The following COMMD1 variants were observed in gnomAD, a reference collection of about 807,000 sequenced individuals.
COMMD1 encodes the protein COMM domain-containing protein 1.
In COMMD1, 10 loss-of-function variants were observed where a neutral mutation model predicts 17.2. The observed-to-expected ratio is 0.58, with a 90% confidence interval of 0.36 to 0.99. The LOEUF (loss-of-function observed/expected upper bound fraction) is 0.99. Among genes scored for constraint, COMMD1 ranks in the 50% least tolerant of loss-of-function variants. The pLI, the probability that COMMD1 is intolerant of heterozygous loss-of-function variation, is 0.01. For missense variants in COMMD1, 270 were observed against 231.8 expected (o/e 1.17, Z -1.07); for synonymous variants, 97 against 91.6 (o/e 1.06, Z -0.34).
chr2:61,905,582 G>A (rs1669748433), upstream of COMMD1: 3 of 1,279,220 alleles, frequency 2.3e-6, no homozygotes, highest in South Asian at 3.1e-5. Context: ...GGTTCCCCGA[G>A]GTTCCCCGTG....
At chr2:61,906,617 G>T (rs1669778065) in intron 1 of COMMD1, among the ~76,000 whole-genome samples, 1 of 121,984 alleles carries the variant, frequency 8.2e-6, no homozygotes, top group East Asian at 2.1e-4. Flanking sequence ...TTTAGACCGA[G>T]AACTAGTTAT....
intron 2 of COMMD1, among the ~76,000 whole-genome samples, chr2:62,025,493 G>A (rs1187458765): frequency 6.6e-6 from 1 of 152,208 alleles, no homozygotes; most frequent in East Asian, 1.9e-4. Context: ...TTGTGCCACT[G>A]CATTCCAGCC....
intron 1 of COMMD1, among the ~76,000 whole-genome samples, chr2:61,949,269 T>C (rs1670990525): frequency 6.6e-6 from 1 of 152,100 alleles, no homozygotes; most frequent in Admixed American, 6.5e-5. Context: ...GAAATTCCCA[T>C]GAGAAGAGCA....
intron 1 of COMMD1, among the ~76,000 whole-genome samples, chr2:61,961,126 A>G (rs188413032): frequency 1.3e-5 from 2 of 152,204 alleles, no homozygotes; most frequent in Non-Finnish European, 2.9e-5. Context: ...GGTGTTGCCT[A>G]AAAAAGGAAT....
intron 2 of COMMD1, among the ~76,000 whole-genome samples, chr2:62,126,257 A>G (rs867541111): frequency 3.3e-5 from 5 of 152,248 alleles, no homozygotes; most frequent in African/African-American, 1.2e-4. Context: ...TTTTTAATAG[A>G]ATGATTTATA....
At chr2:61,903,494 GT>G (rs1449598988), upstream of COMMD1, among the ~76,000 whole-genome samples, 1 of 150,180 alleles carries the variant, frequency 6.7e-6, no homozygotes, top group Non-Finnish European at 1.5e-5. Flanking sequence ...AATTAAAGTA[GT>G]CTAGATGAGT....
intron 2 of COMMD1, among the ~76,000 whole-genome samples, chr2:62,052,193 G>A (rs1670555068): frequency 6.6e-6 from 1 of 152,156 alleles, no homozygotes; most frequent in East Asian, 1.9e-4. Context: ...GCTCATGCCT[G>A]TAATCCCAGC....
intron 1 of COMMD1, among the ~76,000 whole-genome samples, chr2:61,923,723 A>T (rs1449654421): frequency 2.0e-5 from 3 of 152,094 alleles, no homozygotes. Flanking sequence ...AAAAAGTTTT[A>T]ATTGGGCAAG....
chr2:62,075,900 AAG>A (rs1671326222), intron 2 of COMMD1, among the ~76,000 whole-genome samples: 1 of 152,084 alleles, frequency 6.6e-6, no homozygotes, highest in African/African-American at 2.4e-5. Context: ...GTCTTAGAGA[AAG>A]AGGTTTTCCA....
upstream of COMMD1, among the ~76,000 whole-genome samples, chr2:61,902,613 T>A (rs1346935960): frequency 6.6e-6 from 1 of 151,936 alleles, no homozygotes; most frequent in Non-Finnish European, 1.5e-5. Context: ...GTAAAAAAAA[T>A]TTACTCTCAA....
intron 2 of COMMD1, among the ~76,000 whole-genome samples, chr2:62,002,812 C>T (rs889467676): frequency 2.0e-5 from 3 of 151,228 alleles, no homozygotes; most frequent in African/African-American, 4.9e-5. Context: ...GCAGGGATCA[C>T]ATCACTGTAC....
chr2:62,118,813 G>C (rs1672668874), intron 2 of COMMD1: 3 of 152,132 alleles, frequency 2.0e-5, no homozygotes, highest in Admixed American at 2.0e-4. Flanking sequence ...AGATAGCTTT[G>C]GTCTGTTGTG....
At chr2:61,901,224 G>T (rs928636150), upstream of COMMD1, among the ~76,000 whole-genome samples, 1 of 151,800 alleles carries the variant, frequency 6.6e-6, no homozygotes, top group African/African-American at 2.4e-5. Flanking sequence ...TGGAATTACA[G>T]GTGTGAGCCA....
intron 2 of COMMD1, among the ~76,000 whole-genome samples, chr2:62,071,709 C>G (rs933799984): frequency 3.9e-5 from 6 of 152,106 alleles, no homozygotes; most frequent in Non-Finnish European, 8.8e-5. Flanking sequence ...CCTCCCTCAC[C>G]CCATGATCGA....
chr2:62,002,731 C>T (rs935825047), intron 2 of COMMD1, among the ~76,000 whole-genome samples: 1 of 151,668 alleles, frequency 6.6e-6, no homozygotes, highest in African/African-American at 2.4e-5. Flanking sequence ...TGGCGGGCAC[C>T]TGTAATCCCA....
intron 2 of COMMD1, among the ~76,000 whole-genome samples, chr2:62,116,735 C>G (rs1451329371): frequency 6.7e-6 from 1 of 149,858 alleles, no homozygotes; most frequent in Non-Finnish European, 1.5e-5. Context: ...CCTGTAAATC[C>G]CAGCACTTTG....
intron 1 of COMMD1, among the ~76,000 whole-genome samples, chr2:61,949,024 T>C (rs973588833): frequency 1.3e-5 from 2 of 152,186 alleles, no homozygotes; most frequent in Non-Finnish European, 2.9e-5. Flanking sequence ...TTCCAGTTAC[T>C]CAGGAGGTGG....
chr2:61,962,488 C>A (rs1308613612), intron 1 of COMMD1, among the ~76,000 whole-genome samples: 1 of 152,162 alleles, frequency 6.6e-6, no homozygotes, highest in Non-Finnish European at 1.5e-5. Flanking sequence ...TCCAGAAAGA[C>A]TGTGATTAAG....
At chr2:62,079,121 AG>A in intron 2 of COMMD1, among the ~76,000 whole-genome samples, 1 of 152,350 alleles carries the variant, frequency 6.6e-6, no homozygotes, top group South Asian at 2.1e-4. Flanking sequence ...GTCCCGAACC[AG>A]ACCCCAAGAG....
Sources: gnomAD v4.1 joint callset for allele counts (sites outside exome capture counted in the v4.1 genomes callset) on GRCh38, gnomAD v4.1.1 for gene constraint, MANE v1.5 for transcripts, NCBI Gene and HGNC (gene_info 2026-07-23, HGNC 2026-07-21) for gene names.